The following DIAPH3 variants were observed in gnomAD, a reference collection of about 807,000 sequenced individuals.
DIAPH3 encodes the protein diaphanous related formin 3, also known as protein diaphanous homolog 3.
A neutral mutation model predicts 144.3 loss-of-function variants in DIAPH3; 117 were observed. That is an observed-to-expected ratio of 0.81 (90% CI 0.70 to 0.95). DIAPH3 has a LOEUF of 0.95. Ranked by LOEUF, DIAPH3 falls within the 40% of genes least tolerant of loss-of-function variation. The pLI, the probability that DIAPH3 is intolerant of heterozygous loss-of-function variation, is 0.00. For synonymous variants in DIAPH3, 519 were observed against 488.9 expected, an observed-to-expected ratio of 1.06 and a Z score of -0.81; for missense variants, 1,421 against 1,412.7, an observed-to-expected ratio of 1.01 and a Z score of -0.09.
chr13:59,764,600 T>C (rs562757529), intron 27 of DIAPH3, among the ~76,000 whole-genome samples: 4 of 145,048 alleles, frequency 2.8e-5, no homozygotes, highest in Admixed American at 7.0e-5. Context: ...CTAGATTAGG[T>C]TGAGTCCTCA....
At chr13:60,143,310 C>A (rs963875986) in intron 1 of DIAPH3, among the ~76,000 whole-genome samples, 2 of 152,174 alleles carry the variant, frequency 1.3e-5, no homozygotes, top group Admixed American at 6.5e-5. Flanking sequence ...AGGTGAACAG[C>A]CTCGGCTCTG....
intron 20 of DIAPH3, among the ~76,000 whole-genome samples, chr13:59,904,567 C>T (rs919026769): frequency 1.3e-5 from 2 of 152,060 alleles, no homozygotes; most frequent in African/African-American, 4.8e-5. Context: ...TTACAAGATC[C>T]TCTATTTAAT....
chr13:59,897,300 C>T (rs2046162415), intron 20 of DIAPH3, among the ~76,000 whole-genome samples: 1 of 152,160 alleles, frequency 6.6e-6, no homozygotes, highest in Non-Finnish European at 1.5e-5. Context: ...ATGAAAGGAC[C>T]TAAGCTGAAT....
At chr13:60,066,546 A>G (rs761372734) in intron 4 of DIAPH3, among the ~76,000 whole-genome samples, 1 of 152,202 alleles carries the variant, frequency 6.6e-6, no homozygotes, top group African/African-American at 2.4e-5. Flanking sequence ...CTGAATGCAA[A>G]GGAGAAAGTG....
intron 1 of DIAPH3, among the ~76,000 whole-genome samples, chr13:60,137,531 G>T (rs780596264): frequency 6.6e-6 from 1 of 152,032 alleles, no homozygotes; most frequent in East Asian, 1.9e-4. Flanking sequence ...AAGACTTTTC[G>T]CAAATTTTAT....
intron 19 of DIAPH3, among the ~76,000 whole-genome samples, chr13:59,912,128 C>T (rs1366324963): frequency 6.6e-6 from 1 of 152,122 alleles, no homozygotes; most frequent in African/African-American, 2.4e-5. Context: ...ACCAAAGGAA[C>T]AGCTTTCTCA....
At chr13:59,939,118 C>T (rs2048398223) in intron 17 of DIAPH3, among the ~76,000 whole-genome samples, 1 of 152,088 alleles carries the variant, frequency 6.6e-6, no homozygotes, top group Non-Finnish European at 1.5e-5. Flanking sequence ...ATCTAAGTGG[C>T]TGTAAAATTA....
intron 17 of DIAPH3, among the ~76,000 whole-genome samples, chr13:59,939,134 A>G (rs1229681032): frequency 6.6e-6 from 1 of 152,190 alleles, no homozygotes; most frequent in Non-Finnish European, 1.5e-5. Context: ...AATTAATCAG[A>G]CCAAACTGGG....
At chr13:60,146,197 C>T (rs1951513700) in intron 1 of DIAPH3, among the ~76,000 whole-genome samples, 1 of 152,178 alleles carries the variant, frequency 6.6e-6, no homozygotes, top group African/African-American at 2.4e-5. Flanking sequence ...TTACCTTTTA[C>T]ATTTCTTTCA....
chr13:59,746,205 A>G (rs2036695114), intron 27 of DIAPH3, among the ~76,000 whole-genome samples: 1 of 152,120 alleles, frequency 6.6e-6, no homozygotes, highest in Non-Finnish European at 1.5e-5. Context: ...CAAGAAAAAT[A>G]TAAGCCAGCT....
intron 2 of DIAPH3, among the ~76,000 whole-genome samples, chr13:60,132,350 G>A (rs2059166136): frequency 6.6e-6 from 1 of 151,966 alleles, no homozygotes. Context: ...ACATATTTTT[G>A]GTGTCATTGT....
chr13:59,703,477 T>G (rs1341099078), intron 27 of DIAPH3, among the ~76,000 whole-genome samples: 1 of 152,228 alleles, frequency 6.6e-6, no homozygotes, highest in Non-Finnish European at 1.5e-5. Flanking sequence ...TGCCTGGATA[T>G]TTTCTGAGAG....
intron 22 of DIAPH3, among the ~76,000 whole-genome samples, chr13:59,857,076 T>C (rs1593702895): frequency 6.6e-6 from 1 of 152,244 alleles, no homozygotes; most frequent in East Asian, 1.9e-4. Context: ...GGATATAAAA[T>C]GCAATTAAAC....
At chr13:60,045,131 C>T (rs1010485415) in intron 4 of DIAPH3, among the ~76,000 whole-genome samples, 26 of 152,048 alleles carry the variant, frequency 1.7e-4, no homozygotes, top group African/African-American at 5.3e-4. Context: ...CACCTGAGGG[C>T]GGGAGTTCGA....
At chr13:60,047,647 A>G (rs923190860) in intron 4 of DIAPH3, among the ~76,000 whole-genome samples, 12 of 152,170 alleles carry the variant, frequency 7.9e-5, no homozygotes, top group African/African-American at 2.9e-4. Context: ...CCTAGACCTA[A>G]AAGTAAAAGC....
At chr13:59,773,300 T>C (rs1056296309) in intron 27 of DIAPH3, among the ~76,000 whole-genome samples, 1 of 152,178 alleles carries the variant, frequency 6.6e-6, no homozygotes, top group African/African-American at 2.4e-5. Context: ...GTCTTTTTCT[T>C]ATTTACCTAA....
chr13:59,840,534 A>G (rs1460144264), intron 22 of DIAPH3, among the ~76,000 whole-genome samples: 1 of 152,160 alleles, frequency 6.6e-6, no homozygotes, highest in East Asian at 1.9e-4. Context: ...AATGTGTAAG[A>G]ATATGAAATG....
intron 24 of DIAPH3, among the ~76,000 whole-genome samples, chr13:59,830,952 G>A (rs1451768667): frequency 6.6e-6 from 1 of 151,774 alleles, no homozygotes. Flanking sequence ...ACAAACTGTA[G>A]AATACAAGAG....
intron 25 of DIAPH3, among the ~76,000 whole-genome samples, chr13:59,775,147 T>G (rs2038335203): frequency 6.6e-6 from 1 of 152,264 alleles, no homozygotes; most frequent in South Asian, 2.1e-4. Flanking sequence ...AGTCTTGAGT[T>G]ATAAATCACA....
Sources: allele counts gnomAD v4.1 joint callset (sites outside exome capture counted in the v4.1 genomes callset), GRCh38; gene constraint gnomAD v4.1.1; transcripts MANE v1.5; gene names NCBI Gene and HGNC (gene_info 2026-07-23, HGNC 2026-07-21).